The following EPHA7 variants were observed in gnomAD, a reference collection of about 807,000 sequenced individuals.
The protein encoded by EPHA7 is EPH receptor A7.
Under a neutral mutation model 112.6 loss-of-function variants are expected in EPHA7, and 25 were observed. The ratio of observed to expected loss-of-function variants is 0.22; its 90% CI spans 0.16 to 0.31. EPHA7 has a LOEUF of 0.31. Among genes scored for constraint, EPHA7 ranks in the 10% least tolerant of loss-of-function variants. EPHA7 has a pLI of 1.00. For synonymous variants in EPHA7, 437 were observed against 406.5 expected, an observed-to-expected ratio of 1.07 and a Z score of -0.90; for missense variants, 962 against 1,212.6, an observed-to-expected ratio of 0.79 and a Z score of 3.07.
At chr6:93,406,389 A>C (rs1297729760) in intron 3 of EPHA7, among the ~76,000 whole-genome samples, 2 of 151,840 alleles carry the variant, frequency 1.3e-5, no homozygotes, top group Non-Finnish European at 2.9e-5. Flanking sequence ...ATTAAAAAAA[A>C]CAATTATCCC....
chr6:93,400,713 A>G (rs556298712), intron 3 of EPHA7, among the ~76,000 whole-genome samples: 2 of 151,804 alleles, frequency 1.3e-5, no homozygotes, highest in East Asian at 2.0e-4. Flanking sequence ...AACTTTTCCA[A>G]TTTTTGCAGA....
chr6:93,245,436 A>T lies in EPHA7; in HGVS notation c.2744T>A (p.Leu915Gln). 6.2e-7 allele frequency: 1 copy of T among 1,612,134 alleles called. No homozygotes were observed. The highest frequency in any genetic ancestry group is 8.5e-7 in the Non-Finnish European group (1 of 1,179,490). ...GTCSRPISPLLDQNTPDFTTF... is the reference protein window; with the variant it reads ...GTCSRPISPLQDQNTPDFTTF... ...AGTGAAATCAGGAGTGTTTTGATCC[A>T]GAAGAGGGCTTATTGGCCTAGATAA... Residue 915 changes from leucine to glutamine, a missense_variant, in exon 16 of 17, where the codon CTG (leucine) becomes CAG (glutamine). Leu to Gln is a moderately radical substitution (Grantham distance 113). Transcript: ENST00000369303.
At chr6:93,352,012 C>T (rs564150353) in intron 5 of EPHA7, among the ~76,000 whole-genome samples, 9 of 151,972 alleles carry the variant, frequency 5.9e-5, no homozygotes, top group African/African-American at 2.2e-4. Flanking sequence ...AATAATAAGT[C>T]TTTTCTATTA....
chr6:93,392,328 A>T (rs534970594), intron 3 of EPHA7, among the ~76,000 whole-genome samples: 1 of 152,042 alleles, frequency 6.6e-6, no homozygotes, highest in East Asian at 1.9e-4. Context: ...CCTCAAAGGG[A>T]TGGTTACCTT....
intron 5 of EPHA7, among the ~76,000 whole-genome samples, chr6:93,325,097 A>G (rs1774252906): frequency 1.3e-5 from 2 of 151,318 alleles, no homozygotes; most frequent in Non-Finnish European, 3.0e-5. Context: ...ACAGAGACTG[A>G]GTGAAGATTC....
At chr6:93,383,702 T>G (rs1777462685) in intron 3 of EPHA7, among the ~76,000 whole-genome samples, 1 of 152,136 alleles carries the variant, frequency 6.6e-6, no homozygotes, top group Non-Finnish European at 1.5e-5. Context: ...AGTTGAGGTT[T>G]TTCTTTTTCT....
At chr6:93,267,792 ATATTCTCAATT>A (rs1242608695) in intron 7 of EPHA7, among the ~76,000 whole-genome samples, 2 of 151,728 alleles carry the variant, frequency 1.3e-5, no homozygotes, top group Non-Finnish European at 2.9e-5. Context: ...GTTTGGTTTA[ATATTCTCAATT>A]TACAAAGTCA....
intron 5 of EPHA7, among the ~76,000 whole-genome samples, chr6:93,293,948 C>T (rs1056897634): frequency 6.6e-6 from 1 of 152,170 alleles, no homozygotes; most frequent in Non-Finnish European, 1.5e-5. Context: ...GGCAACAAGA[C>T]ATCATTTTTC....
intron 5 of EPHA7, among the ~76,000 whole-genome samples, chr6:93,311,037 C>A (rs1355788942): frequency 6.6e-6 from 1 of 150,536 alleles, no homozygotes; most frequent in South Asian, 2.1e-4. Flanking sequence ...GCAACCTTGA[C>A]CTCCTGGGTT....
intron 3 of EPHA7, among the ~76,000 whole-genome samples, chr6:93,393,953 G>A (rs568104311): frequency 1.4e-4 from 21 of 151,840 alleles, no homozygotes; most frequent in Admixed American, 9.2e-4. Flanking sequence ...AAATTTTTAC[G>A]AGTAGAGTTA....
chr6:93,331,979 C>A (rs576530872), intron 5 of EPHA7, among the ~76,000 whole-genome samples: 2 of 151,676 alleles, frequency 1.3e-5, no homozygotes, highest in African/African-American at 2.4e-5. Context: ...AATCTATTTT[C>A]TCAGAAAAAT....
intron 14 of EPHA7, among the ~76,000 whole-genome samples, chr6:93,248,839 A>G (rs1431886990): frequency 6.6e-6 from 1 of 152,074 alleles, no homozygotes; most frequent in African/African-American, 2.4e-5. Context: ...TATATACACA[A>G]TTAGTCACCA....
chr6:93,399,708 T>C (rs1450673298), intron 3 of EPHA7, among the ~76,000 whole-genome samples: 3 of 151,996 alleles, frequency 2.0e-5, no homozygotes, highest in African/African-American at 7.2e-5. Flanking sequence ...ATGAGTGTAT[T>C]TATATATGCG....
intron 5 of EPHA7, among the ~76,000 whole-genome samples, chr6:93,295,834 C>G (rs1436553116): frequency 2.6e-5 from 4 of 151,856 alleles, no homozygotes; most frequent in South Asian, 4.1e-4. Flanking sequence ...GCTGACAATG[C>G]ATTTTCTGAA....
chr6:93,419,557 A>T lies in EPHA7; in HGVS notation c.-216T>A, dbSNP rs1249846824. On this transcript the variant is annotated 5_prime_UTR_variant, in exon 1 of 17. Transcript: ENST00000369303. ...GCTGCCTGCAAGTCTCCGACTGCAG[A>T]CCGGCCGCTTGCTCCACACTCCAAT... 1.5e-5 allele frequency: 6 copies of T among 389,804 alleles called. No homozygotes were observed. Among genetic ancestry groups the T allele is most frequent in the Non-Finnish European group, 2.7e-5 (6 of 219,202 alleles). 24.1% of individuals were successfully genotyped at this position (389,804 alleles called of 1,614,324 possible). A position where few individuals can be genotyped will look rare whatever the true frequency, so the allele number is the denominator to read the frequency against.
At chr6:93,286,563 T>G (rs373963771) in intron 5 of EPHA7, among the ~76,000 whole-genome samples, 1 of 152,288 alleles carries the variant, frequency 6.6e-6, no homozygotes, top group African/African-American at 2.4e-5. Context: ...CACACTTAAC[T>G]TGATTCTCCC....
intron 5 of EPHA7, among the ~76,000 whole-genome samples, chr6:93,279,586 T>C (rs2127894535): frequency 6.6e-6 from 1 of 152,288 alleles, no homozygotes; most frequent in East Asian, 1.9e-4. Context: ...TTAGAGGTTT[T>C]GCTTTAGAAA....
rs1454351873 is a variant in EPHA7, at chr6:93,346,917, T to G, written c.1324+9800A>C. ...AAATATTATTTTAGTAGATGAATAT[T>G]CAGCTTACTTACAATGTCTACTACA... On this transcript the variant is annotated intron_variant, in intron 5 of 16. Transcript: ENST00000369303. 2.6e-5 allele frequency among the ~76,000 whole-genome samples: 4 copies of G among 151,866 alleles called. No homozygotes were observed. In the East Asian group the frequency reaches 7.7e-4, roughly 29 times the overall value.
intron 5 of EPHA7, among the ~76,000 whole-genome samples, chr6:93,278,229 A>C (rs1199374320): frequency 2.0e-5 from 3 of 152,076 alleles, no homozygotes; most frequent in African/African-American, 7.2e-5. Context: ...ACTGTTGGTC[A>C]TTGTTGCTAA....
Sources: allele counts gnomAD v4.1 joint callset (sites outside exome capture counted in the v4.1 genomes callset), GRCh38; gene constraint gnomAD v4.1.1; transcripts MANE v1.5; gene names NCBI Gene and HGNC (gene_info 2026-07-23, HGNC 2026-07-21).